GPC6: variants seen among roughly 807,000 people sequenced by gnomAD.
GPC6 encodes the protein glypican 6.
A neutral mutation model predicts 55.2 loss-of-function variants in GPC6; 14 were observed. The observed-to-expected ratio is 0.25, with a 90% CI of 0.17 to 0.40. The LOEUF is 0.40. Among genes scored for constraint, GPC6 ranks in the 10% least tolerant of loss-of-function variants. The pLI is 1.00. For synonymous variants in GPC6, 278 were observed against 259.6 expected (o/e 1.07, Z -0.68); for missense variants, 641 against 708.5 (o/e 0.90, Z 1.08).
chr13:93,928,260 T>C (rs1877962665), intron 3 of GPC6, among the ~76,000 whole-genome samples: 1 of 152,190 alleles, frequency 6.6e-6, no homozygotes, highest in South Asian at 2.1e-4. Context: ...AAAATGTTAT[T>C]TCTTGGTTTT....
chr13:93,575,735 C>A (rs1190361248), intron 2 of GPC6, among the ~76,000 whole-genome samples: 3 of 152,078 alleles, frequency 2.0e-5, no homozygotes, highest in Non-Finnish European at 4.4e-5. Context: ...AACTATCATC[C>A]ATGCCTTCTG....
rs146843414 is a variant in GPC6, at chr13:93,668,779, C to T, written c.319+123358C>T. The stretch of plus-strand genomic sequence containing the variant: ...ATCTTTTGGCTTTCTGAAAAGAGAA[C>T]GATTAACTTTTTCTTCTTTCAAACT... On this transcript the variant is annotated intron_variant, in intron 2 of 8. Coordinates refer to ENST00000377047, the MANE Select transcript of GPC6 (RefSeq NM_005708.5). 1.4e-3 allele frequency among the ~76,000 whole-genome samples: 218 copies of T among 152,218 alleles called. 1 individual carries two copies. Among genetic ancestry groups the T allele is most frequent in the African/African-American group, 5.0e-3 (209 of 41,546 alleles).
chr13:93,565,219 G>A (rs115978668), intron 2 of GPC6, among the ~76,000 whole-genome samples: 1 of 152,060 alleles, frequency 6.6e-6, no homozygotes, highest in African/African-American at 2.4e-5. Context: ...GTTGAAAGGG[G>A]GGAGAAGCAG....
intron 4 of GPC6, among the ~76,000 whole-genome samples, chr13:94,112,901 A>G (rs1156850424): frequency 6.6e-6 from 1 of 152,126 alleles, no homozygotes; most frequent in African/African-American, 2.4e-5. Flanking sequence ...AGCACATGCA[A>G]AAATGGACGT....
At chr13:94,222,292 T>A (rs577462174) in intron 4 of GPC6, among the ~76,000 whole-genome samples, 6 of 152,088 alleles carry the variant, frequency 3.9e-5, no homozygotes, top group Non-Finnish European at 8.8e-5. Context: ...ATAATACAAA[T>A]CTAGATCTCT....
chr13:94,297,880 A>T (rs990249751), intron 5 of GPC6, among the ~76,000 whole-genome samples: 2 of 152,154 alleles, frequency 1.3e-5, no homozygotes, highest in African/African-American at 4.8e-5. Context: ...ATCAATCTTT[A>T]AGGAAAGAAA....
At chr13:94,169,680 C>A (rs539390041) in intron 4 of GPC6, among the ~76,000 whole-genome samples, 12 of 152,050 alleles carry the variant, frequency 7.9e-5, no homozygotes, top group Admixed American at 7.9e-4. Context: ...CCTTTGTATC[C>A]CTTGCGGGAT....
intron 1 of GPC6, among the ~76,000 whole-genome samples, chr13:93,482,956 A>C (rs1879573380): frequency 6.6e-6 from 1 of 152,122 alleles, no homozygotes; most frequent in African/African-American, 2.4e-5. Context: ...AGAGTACAAG[A>C]GTGCATAGCT....
intron 1 of GPC6, among the ~76,000 whole-genome samples, chr13:93,400,003 T>G (rs533475639): frequency 6.6e-6 from 1 of 152,280 alleles, no homozygotes; most frequent in Non-Finnish European, 1.5e-5. Context: ...CTCAGTAAAT[T>G]GAAATAATCG....
intron 2 of GPC6, among the ~76,000 whole-genome samples, chr13:93,822,689 A>G (rs1359379404): frequency 2.0e-5 from 3 of 151,124 alleles, no homozygotes; most frequent in Non-Finnish European, 2.9e-5. Context: ...GAGTGTGAAC[A>G]TGCAGTGTTT....
chr13:94,272,184 T>TG (rs1310023745), intron 4 of GPC6, among the ~76,000 whole-genome samples: 2 of 152,110 alleles, frequency 1.3e-5, no homozygotes, highest in Non-Finnish European at 2.9e-5. Context: ...TTGAATTCAA[T>TG]GGGGAATTCC....
chr13:93,308,443 T>G (rs912616356), intron 1 of GPC6, among the ~76,000 whole-genome samples: 6 of 152,270 alleles, frequency 3.9e-5, no homozygotes, highest in Non-Finnish European at 7.4e-5. Context: ...TATAGTCATG[T>G]GTTATTTATT....
intron 2 of GPC6, among the ~76,000 whole-genome samples, chr13:93,778,056 G>A (rs1885523950): frequency 6.6e-6 from 1 of 152,068 alleles, no homozygotes; most frequent in Non-Finnish European, 1.5e-5. Flanking sequence ...GCTAATTGAG[G>A]GCAATTATTG....
chr13:93,699,286 T>C (rs536059467), intron 2 of GPC6, among the ~76,000 whole-genome samples: 1 of 152,100 alleles, frequency 6.6e-6, no homozygotes, highest in Admixed American at 6.6e-5. Flanking sequence ...GAAGCAAAAA[T>C]ATACAAAGGG....
chr13:94,044,913 G>T (rs969328773), intron 4 of GPC6, among the ~76,000 whole-genome samples: 7 of 151,280 alleles, frequency 4.6e-5, no homozygotes, highest in Non-Finnish European at 7.4e-5. Flanking sequence ...TTAACGTGCC[G>T]TATCATATAA....
chr13:93,887,017 A>T (rs993548029), intron 3 of GPC6, among the ~76,000 whole-genome samples: 1 of 151,992 alleles, frequency 6.6e-6, no homozygotes, highest in Non-Finnish European at 1.5e-5. Flanking sequence ...ATAAGAATGT[A>T]TGTTTCCAAA....
At chr13:93,493,498 T>A (rs7399677) in intron 1 of GPC6, among the ~76,000 whole-genome samples, 12,636 of 92,362 alleles carry the variant, frequency 0.14, 1,700 homozygotes, top group Middle Eastern at 0.19. Context: ...GATTTTTTGA[T>A]GGGTTTTTTG....
chr13:94,342,855 C>A (rs181506285), intron 6 of GPC6, among the ~76,000 whole-genome samples: 2 of 152,212 alleles, frequency 1.3e-5, no homozygotes, highest in East Asian at 3.9e-4. Context: ...GCCAGCTCCC[C>A]GTTCAATACT....
At chr13:93,530,667 T>C (rs921695319) in intron 1 of GPC6, among the ~76,000 whole-genome samples, 1 of 152,140 alleles carries the variant, frequency 6.6e-6, no homozygotes, top group Non-Finnish European at 1.5e-5. Flanking sequence ...ACAGCAATTA[T>C]TAAAAATAAA....
Sources: allele counts gnomAD v4.1 joint callset (sites outside exome capture counted in the v4.1 genomes callset), GRCh38; gene constraint gnomAD v4.1.1; transcripts MANE v1.5; gene names NCBI Gene and HGNC (gene_info 2026-07-23, HGNC 2026-07-21).